The following XIRP2 variants were observed in gnomAD, a reference collection of about 807,000 sequenced individuals.
The protein encoded by XIRP2 is xin actin-binding repeat-containing protein 2.
Under a neutral mutation model 277.0 loss-of-function variants are expected in XIRP2, and 236 were observed. The ratio of observed to expected loss-of-function variants is 0.85; its 90% CI spans 0.77 to 0.95. XIRP2 has a LOEUF of 0.95. Among genes scored for constraint, XIRP2 ranks in the 40% least tolerant of loss-of-function variants. XIRP2 has a pLI of 0.00. For missense variants in XIRP2, 4,640 were observed against 4,157.5 expected, an observed-to-expected ratio of 1.12 and a Z score of -3.19; for synonymous variants, 1,490 against 1,416.5, an observed-to-expected ratio of 1.05 and a Z score of -1.17.
chr2:167,248,704 A>C lies in XIRP2; in HGVS notation c.7312A>C (p.Asn2438His). The change falls in exon 9 of 11, where the codon AAC becomes CAC. Residue 2438 changes from asparagine (N) to histidine (H), a missense_variant. Asn to His is a moderately conservative substitution (Grantham distance 68). Coordinates refer to ENST00000409195, the MANE Select transcript of XIRP2 (RefSeq NM_152381.6). ...KLPKHIKDNK[N>H]DFSPKVELAT... ...TCCCAAGCATATAAAAGATAATAAG[A>C]ACGATTTTTCCCCCAAAGTTGAACT... 1.2e-6 allele frequency: 2 copies of C among 1,613,764 alleles called. No homozygotes were observed. The highest frequency in any genetic ancestry group is 1.7e-6 in the Non-Finnish European group (2 of 1,179,800).
intron 3 of XIRP2, among the ~76,000 whole-genome samples, chr2:167,185,015 G>A (rs1693117046): frequency 1.3e-5 from 2 of 152,014 alleles, no homozygotes; most frequent in Non-Finnish European, 2.9e-5. Flanking sequence ...CATCTGTCTT[G>A]CTTTCATAGT....
rs757767610 is a variant in XIRP2, at chr2:167,245,479, A to C, written c.4087A>C (p.Asn1363His). ...TGAAACAAAGCCATTAGACTCTATT[A>C]ATAAATCAGAAACTGTGTATGTTAT... ...LFETKPLDSI[N>H]KSETVYVIKS... Residue 1363 changes from asparagine to histidine, a missense_variant, in exon 9 of 11, where the codon AAT becomes CAT. Coordinates refer to ENST00000409195, the MANE Select transcript of XIRP2 (RefSeq NM_152381.6). 1.2e-6 allele frequency: 2 copies of C among 1,613,614 alleles called. No homozygotes were observed. Among genetic ancestry groups the C allele is most frequent in the South Asian group, 2.2e-5 (2 of 91,068 alleles).
At chr2:166,945,037 T>A in intron 2 of XIRP2, among the ~76,000 whole-genome samples, 1 of 152,118 alleles carries the variant, frequency 6.6e-6, no homozygotes, top group East Asian at 1.9e-4. Context: ...TCTCTTGGTT[T>A]GTTGATCACA....
intron 3 of XIRP2, among the ~76,000 whole-genome samples, chr2:167,152,208 C>T (rs1235810353): frequency 6.6e-6 from 1 of 152,084 alleles, no homozygotes; most frequent in Non-Finnish European, 1.5e-5. Flanking sequence ...TTCTGACCTT[C>T]TGTTCTGAAG....
intron 2 of XIRP2, among the ~76,000 whole-genome samples, chr2:166,918,345 A>T (rs568383880): frequency 6.6e-6 from 1 of 152,134 alleles, no homozygotes; most frequent in South Asian, 2.1e-4. Context: ...CCAGTTAAAG[A>T]CCAAAATTTT....
At chr2:167,172,942 C>T (rs1692738132) in intron 3 of XIRP2, among the ~76,000 whole-genome samples, 1 of 152,146 alleles carries the variant, frequency 6.6e-6, no homozygotes, top group South Asian at 2.1e-4. Flanking sequence ...AATTTATGTT[C>T]AGAGATTGCA....
chr2:167,135,846 A>G, intron 2 of XIRP2, 63 bp from the exon 3 acceptor site: 1 of 1,408,716 alleles, frequency 7.1e-7, no homozygotes. Context: ...TAACCCCCCT[A>G]AAAAACACAT....
At chr2:167,209,839 C>G (rs531770100) in intron 3 of XIRP2, among the ~76,000 whole-genome samples, 1 of 152,126 alleles carries the variant, frequency 6.6e-6, no homozygotes, top group South Asian at 2.1e-4. Context: ...CCTTATGTTC[C>G]TTTCACATAA....
intron 2 of XIRP2, among the ~76,000 whole-genome samples, chr2:166,979,465 A>C (rs193180278): frequency 3.6e-3 from 530 of 147,694 alleles, no homozygotes; most frequent in Non-Finnish European, 6.3e-3. Context: ...CCCAAATCTT[A>C]GGAGAAAGCA....
intron 2 of XIRP2, among the ~76,000 whole-genome samples, chr2:167,060,309 A>G (rs1290677903): frequency 1.3e-5 from 2 of 152,140 alleles, no homozygotes; most frequent in South Asian, 4.1e-4. Context: ...TAGGGAAAAC[A>G]CTAAAATCTC....
intron 3 of XIRP2, among the ~76,000 whole-genome samples, chr2:167,148,836 A>T (rs1691935315): frequency 6.6e-6 from 1 of 152,212 alleles, no homozygotes; most frequent in Non-Finnish European, 1.5e-5. Flanking sequence ...AAGTAAAGGA[A>T]ATCCACTGAG....
rs976808309 is a variant in XIRP2 at position 167,254,159 on chromosome 2, A to C, written c.*33A>C. On this transcript the variant is annotated 3_prime_UTR_variant, in exon 10 of 11. Coordinates refer to ENST00000409195, the MANE Select transcript of XIRP2 (RefSeq NM_152381.6). ...TTCCGATGCCACCATTGCAACAGTA[A>C]ACTAAGGTAAAATGTTTAATTGTCT... The C allele has an allele frequency of 6.2e-7, 1 of 1,608,538 alleles. No individual in the cohort carries two copies. The highest frequency in any genetic ancestry group is 8.5e-7 in the Non-Finnish European group (1 of 1,177,222).
At position 167,250,455 on chromosome 2, in the gene XIRP2, T is replaced by C. The variant is rs2105447647; in HGVS notation, c.9063T>C (p.Asp3021=). The change falls in exon 9 of 11, where the codon GAT becomes GAC. Residue 3021 remains aspartate, a synonymous_variant. Coordinates refer to ENST00000409195, the MANE Select transcript of XIRP2 (RefSeq NM_152381.6). The stretch of plus-strand genomic sequence containing the variant: ...CACATATTAAAACTCAAGCGGAAGA[T>C]ATGCTTGTGTCCTATGAAAATATAA... ...EITHIKTQAE[D]MLVSYENIIQ... 2.5e-6 allele frequency: 4 copies of C among 1,613,290 alleles called. 1 individual carries two copies. In the South Asian group the frequency reaches 4.4e-5, roughly 18 times the overall value.
At chr2:167,207,644 A>G (rs1483367906) in intron 3 of XIRP2, among the ~76,000 whole-genome samples, 1 of 152,236 alleles carries the variant, frequency 6.6e-6, no homozygotes, top group Non-Finnish European at 1.5e-5. Context: ...TTGTTTTTAA[A>G]AACTGCAGAA....
rs756717018 is a variant in XIRP2, at chr2:167,250,088, T to A, written c.8696T>A (p.Leu2899His). 1.3e-5 allele frequency: 21 copies of A among 1,613,522 alleles called. No individual in the cohort carries two copies. In the Admixed American group the frequency reaches 3.5e-4, roughly 27 times the overall value. ...PYNSLQEEKC[L>H]EVKGIQEKQV... The stretch of plus-strand genomic sequence containing the variant: ...AATAGTCTGCAGGAAGAAAAATGTC[T>A]CGAAGTCAAGGGCATACAAGAGAAA... Residue 2899 changes from leucine to histidine, a missense_variant, in exon 9 of 11, where the codon CTC becomes CAC. By Grantham distance (99) the Leu-to-His change is moderately conservative. Coordinates refer to ENST00000409195, the MANE Select transcript of XIRP2 (RefSeq NM_152381.6).
At chr2:167,063,682 C>T (rs971542530) in intron 2 of XIRP2, among the ~76,000 whole-genome samples, 1 of 151,778 alleles carries the variant, frequency 6.6e-6, no homozygotes, top group Non-Finnish European at 1.5e-5. Flanking sequence ...TAATGTTTCA[C>T]TTTACCCTTA....
intron 5 of XIRP2, among the ~76,000 whole-genome samples, chr2:167,233,960 T>A (rs1468844860): frequency 1.3e-5 from 2 of 151,704 alleles, no homozygotes; most frequent in African/African-American, 2.4e-5. Context: ...GTCAAATAAA[T>A]ATTGTTATTT....
At chr2:167,188,111 G>A (rs1693218511) in intron 3 of XIRP2, among the ~76,000 whole-genome samples, 1 of 152,136 alleles carries the variant, frequency 6.6e-6, no homozygotes, top group Non-Finnish European at 1.5e-5. Flanking sequence ...ATTAAGAAAA[G>A]CACTGCCAGT....
At chr2:167,255,145 T>C (rs1695622505) in intron 10 of XIRP2, among the ~76,000 whole-genome samples, 1 of 151,808 alleles carries the variant, frequency 6.6e-6, no homozygotes, top group Non-Finnish European at 1.5e-5. Context: ...GGGAATTTAT[T>C]CTTCTCAACG....
Sources: gnomAD v4.1 joint callset for allele counts (sites outside exome capture counted in the v4.1 genomes callset) on GRCh38, gnomAD v4.1.1 for gene constraint, MANE v1.5 for transcripts, NCBI Gene and HGNC (gene_info 2026-07-23, HGNC 2026-07-21) for gene names.